Variants in DGKI observed in about 807,000 individuals in gnomAD.
The protein encoded by DGKI is diacylglycerol kinase iota.
Under a neutral mutation model 147.5 loss-of-function variants are expected in DGKI, and 55 were observed. The observed-to-expected ratio is 0.37, with a 90% CI of 0.30 to 0.47. DGKI has a LOEUF of 0.47. Ranked by LOEUF, DGKI falls within the 20% of genes least tolerant of loss-of-function variation. The pLI is 1.00. For synonymous variants in DGKI, 469 were observed against 477.1 expected (o/e 0.98, Z 0.22); for missense variants, 1,007 against 1,323.8 (o/e 0.76, Z 3.71).
intron 1 of DGKI, among the ~76,000 whole-genome samples, chr7:137,792,399 C>A (rs928445661): frequency 4.6e-5 from 7 of 152,168 alleles, no homozygotes; most frequent in African/African-American, 1.4e-4. Flanking sequence ...ATTTCCCCTT[C>A]ATCCATTCAT....
intron 21 of DGKI, among the ~76,000 whole-genome samples, chr7:137,493,615 T>C (rs756907902): frequency 8.5e-5 from 13 of 152,112 alleles, no homozygotes; most frequent in African/African-American, 3.1e-4. Flanking sequence ...ACCCACCTTA[T>C]ACCATAATCA....
chr7:137,511,001 C>A (rs1816561206), intron 21 of DGKI, among the ~76,000 whole-genome samples: 1 of 152,186 alleles, frequency 6.6e-6, no homozygotes, highest in African/African-American at 2.4e-5. Flanking sequence ...ATTCAGGAAA[C>A]CCACTCGGTA....
chr7:137,470,594 C>A (rs73445312), intron 23 of DGKI, among the ~76,000 whole-genome samples: 3,463 of 151,734 alleles, frequency 0.023, 130 homozygotes, highest in African/African-American at 0.08. Context: ...GACAGGCTGT[C>A]TTCCAGGCTG....
In DGKI at chr7:137,469,704, ACACAAAG is replaced by A. The variant is rs964419016; in HGVS notation, c.2374-92_2374-86del. The A allele has an allele frequency of 4.0e-6, 5 of 1,253,812 alleles. No homozygotes were observed. The African/African-American group carries it at 7.4e-5, about 18-fold the overall frequency. 77.7% of individuals were successfully genotyped at this position (1,253,812 alleles called of 1,614,324 possible). A position where few individuals can be genotyped will look rare whatever the true frequency, so the allele number is the denominator to read the frequency against. ...ACTCAGCATTCTGCCATCCTTTCCT[ACACAAAG>A]CACTGGTGAGAAGAGCAAATCACAT... On this transcript the variant is annotated intron_variant, in intron 23 of 32. Coordinates refer to ENST00000614521, the MANE Select transcript of DGKI (RefSeq NM_001321708.2).
chr7:137,466,001 T>A lies in DGKI; in HGVS notation c.2519A>T (p.Asp840Val). 2.5e-6 allele frequency: 4 copies of A among 1,614,008 alleles called. No homozygotes were observed. Among genetic ancestry groups the A allele is most frequent in the Non-Finnish European group, 3.4e-6 (4 of 1,179,904 alleles). Reference sequence around the variant, plus strand: ...ATCTGGGTCCAGAATAAAAATCTCATCTTGGGAAATCTCCATCACAAAGTG... The same window carrying A: ...ATCTGGGTCCAGAATAAAAATCTCAACTTGGGAAATCTCCATCACAAAGTG... ...HLHFVMEISQ[D>V]EIFILDPDMV... The change falls in exon 26 of 33, where the codon GAT becomes GTT. Residue 840 changes from aspartate to valine, a missense_variant. Physicochemically the swap from Asp to Val is radical, Grantham distance 152. Coordinates refer to ENST00000614521, the MANE Select transcript of DGKI (RefSeq NM_001321708.2).
At chr7:137,391,432 A>AAAAG in intron 32 of DGKI, 96 bp from the exon 33 acceptor site, 1 of 857,794 alleles carries the variant, frequency 1.2e-6, no homozygotes, top group Non-Finnish European at 1.8e-6. Context: ...CAAAACAAAA[A>AAAAG]TCACAGAAAC....
chr7:137,603,584 T>G lies in DGKI; in HGVS notation c.1168-3679A>C, dbSNP rs543447368. On this transcript the variant is annotated intron_variant, in intron 10 of 32. Transcript: ENST00000614521. ...GGAAGGAGAGCAATACAAAATAAAT[T>G]AATTCACCAAAGATGGGAACTTCTC... Among the ~76,000 whole-genome samples, 4 of 152,332 alleles carry G rather than the reference T, an allele frequency of 2.6e-5. No individual in the cohort carries two copies. The East Asian group carries it at 7.7e-4, about 29-fold the overall frequency.
intron 1 of DGKI, among the ~76,000 whole-genome samples, chr7:137,735,950 C>G (rs1795009006): frequency 6.6e-6 from 1 of 152,096 alleles, no homozygotes; most frequent in Non-Finnish European, 1.5e-5. Flanking sequence ...CTCTACTACC[C>G]TGAACAGTGA....
intron 1 of DGKI, among the ~76,000 whole-genome samples, chr7:137,735,587 G>T (rs769188588): frequency 1.8e-4 from 28 of 152,006 alleles, no homozygotes; most frequent in Non-Finnish European, 4.1e-4. Context: ...GGTTGCAAGG[G>T]TACCATCTTA....
intron 1 of DGKI, among the ~76,000 whole-genome samples, chr7:137,822,264 A>G (rs1446746522): frequency 6.6e-6 from 1 of 152,072 alleles, no homozygotes; most frequent in East Asian, 1.9e-4. Flanking sequence ...AAAATTAGTC[A>G]GGCGTGGTGG....
chr7:137,698,655 G>C (rs1407611294), intron 1 of DGKI, among the ~76,000 whole-genome samples: 1 of 152,210 alleles, frequency 6.6e-6, no homozygotes, highest in African/African-American at 2.4e-5. Flanking sequence ...TTGGTTCTGA[G>C]AAGCCCTGTG....
chr7:137,463,385 C>G (rs866513679), intron 27 of DGKI, 104 bp downstream of exon 27: 1 of 1,483,058 alleles, frequency 6.7e-7, no homozygotes. Flanking sequence ...ACAGCCTGAG[C>G]GCCATTGAAA....
chr7:137,609,360 G>C (rs949125917), intron 9 of DGKI, among the ~76,000 whole-genome samples, 175 bp downstream of exon 9: 1 of 152,106 alleles, frequency 6.6e-6, no homozygotes, highest in Non-Finnish European at 1.5e-5. Flanking sequence ...GGTTAGTTTT[G>C]AGTGTTTGTT....
chr7:137,797,733 C>T (rs1389674978), intron 1 of DGKI, among the ~76,000 whole-genome samples: 1 of 151,508 alleles, frequency 6.6e-6, no homozygotes, highest in African/African-American at 2.4e-5. Context: ...CAAAAGAAGA[C>T]AGTAATGAAA....
rs528084287 is a variant in DGKI, at chr7:137,782,744, C to T, written c.401+63718G>A. On this transcript the variant is annotated intron_variant, in intron 1 of 32. Coordinates refer to ENST00000614521, the MANE Select transcript of DGKI (RefSeq NM_001321708.2). The stretch of plus-strand genomic sequence containing the variant: ...GGACCCTCACAGAGTCCACTTTACT[C>T]CCCTGTCACTTCCACCGGAGCAGGT... Among the ~76,000 whole-genome samples, 75 of 152,308 alleles carry T rather than the reference C, an allele frequency of 4.9e-4. No individual in the cohort carries two copies. In the Middle Eastern group the frequency reaches 0.02, roughly 41 times the overall value.
chr7:137,630,814 G>T (rs1025895151), intron 6 of DGKI, among the ~76,000 whole-genome samples: 2 of 151,874 alleles, frequency 1.3e-5, no homozygotes, highest in Non-Finnish European at 2.9e-5. Flanking sequence ...TTATATCTTT[G>T]TCCTAGAACA....
chr7:137,423,498 A>T (rs578145941), intron 28 of DGKI, among the ~76,000 whole-genome samples: 3 of 152,360 alleles, frequency 2.0e-5, no homozygotes, highest in Admixed American at 2.0e-4. Flanking sequence ...TTTACCAAAC[A>T]TCAAGACTGT....
chr7:137,424,979 G>A (rs1041740390), intron 28 of DGKI, among the ~76,000 whole-genome samples: 4 of 152,240 alleles, frequency 2.6e-5, no homozygotes, highest in Non-Finnish European at 5.9e-5. Flanking sequence ...CAAACAAAAA[G>A]ACAGCAGTAA....
At chr7:137,598,488 C>CACTT (rs1819876136) in intron 11 of DGKI, among the ~76,000 whole-genome samples, 1 of 152,138 alleles carries the variant, frequency 6.6e-6, no homozygotes, top group Non-Finnish European at 1.5e-5. Flanking sequence ...AGTTACACAC[C>CACTT]ACTTACACCT....
Sources: allele counts gnomAD v4.1 joint callset (sites outside exome capture counted in the v4.1 genomes callset), GRCh38; gene constraint gnomAD v4.1.1; transcripts MANE v1.5; gene names NCBI Gene and HGNC (gene_info 2026-07-23, HGNC 2026-07-21).